PRMT2: variants seen among roughly 807,000 people sequenced by gnomAD.
PRMT2 encodes protein arginine N-methyltransferase 2.
PRMT2 carries 26 observed loss-of-function variants against 57.6 expected under a neutral mutation model. The observed-to-expected ratio is 0.45, with a 90% CI of 0.33 to 0.63. The LOEUF (loss-of-function observed/expected upper bound fraction) is 0.63, where lower values mean the gene tolerates loss of function less well. PRMT2 is among the 20% of genes least tolerant of loss of function. The pLI, the probability that PRMT2 is intolerant of heterozygous loss-of-function variation, is 0.02. For synonymous variants in PRMT2, 219 were observed against 220.0 expected (o/e 1.00, Z 0.04); for missense variants, 472 against 564.4 (o/e 0.84, Z 1.66).
chr21:46,654,778 G>A lies in PRMT2; in HGVS notation c.655-3967G>A, dbSNP rs550562117. On this transcript the variant is annotated intron_variant, in intron 7 of 11. Coordinates refer to ENST00000355680, the MANE Select transcript of PRMT2 (RefSeq NM_206962.4). Reference sequence around the variant, plus strand: ...TGTGTAGCCTGTATGTAAAAACCACGTTATTTTATATGGGGGACTTTAGCA... The same window carrying A: ...TGTGTAGCCTGTATGTAAAAACCACATTATTTTATATGGGGGACTTTAGCA... 51 of 449,126 alleles carry A rather than the reference G, an allele frequency of 1.1e-4. No individual in the cohort carries two copies. The South Asian group carries it at 3.4e-3, about 30-fold the overall frequency. The allele number at this position is 449,126 out of a possible 1,614,324, so 27.8% of individuals were successfully genotyped here. A position where few individuals can be genotyped will look rare whatever the true frequency, so the allele number is the denominator to read the frequency against.
At chr21:46,639,268 T>C (rs1432307891) in intron 3 of PRMT2, among the ~76,000 whole-genome samples, 1 of 152,220 alleles carries the variant, frequency 6.6e-6, no homozygotes, top group Admixed American at 6.5e-5. Flanking sequence ...TCTAATCATA[T>C]GGAATATGTT....
At position 46,648,624 on chromosome 21, in the gene PRMT2, G is replaced by C; in HGVS notation, c.489+5G>C. On this transcript the variant is annotated splice_donor_5th_base_variant and intron_variant, in intron 6 of 11. Transcript: ENST00000355680. The surrounding 1 kb of genome is among the most constrained non-coding windows in gnomAD (Gnocchi z 4.8). The stretch of plus-strand genomic sequence containing the variant: ...CACTATGCGCGGCCTAGAGCGGTGA[G>C]TGGGGTCTCGAGCGCATCCCGGGTG... 1 of 1,611,068 alleles carries C rather than the reference G, an allele frequency of 6.2e-7. No homozygotes were observed. The highest frequency in any genetic ancestry group is 2.2e-5 in the East Asian group (1 of 44,778).
chr21:46,651,698 C>T, intron 7 of PRMT2: 6 of 1,279,588 alleles, frequency 4.7e-6, no homozygotes, highest in Admixed American at 2.0e-5. Flanking sequence ...GCAAGAGTTC[C>T]TATGGCGATA....
At chr21:46,639,774 C>T (rs142967849) in intron 3 of PRMT2, among the ~76,000 whole-genome samples, 50 of 150,330 alleles carry the variant, frequency 3.3e-4, no homozygotes, top group African/African-American at 1.2e-3. Flanking sequence ...GCGTTTTTCT[C>T]GTAAAGAGCT....
chr21:46,650,025 C>A, intron 7 of PRMT2: 2 of 1,342,226 alleles, frequency 1.5e-6, no homozygotes, highest in Non-Finnish European at 2.0e-6. Context: ...AAATCCTGTG[C>A]CTAACAGGTA....
At chr21:46,659,756 CG>C in intron 8 of PRMT2, 1 of 985,390 alleles carries the variant, frequency 1.0e-6, no homozygotes, top group Non-Finnish European at 1.2e-6. Context: ...GTGTTCCTCC[CG>C]GCACTGGAAG....
chr21:46,660,714 A>G (rs901518472), intron 8 of PRMT2, 119 bp from the exon 9 acceptor site: 11 of 1,313,252 alleles, frequency 8.4e-6, no homozygotes, highest in Non-Finnish European at 1.2e-5. Flanking sequence ...GGCCCCAGAT[A>G]GTGGCTTAGC....
chr21:46,645,284 A>G (rs73154714), intron 5 of PRMT2, among the ~76,000 whole-genome samples: 1,786 of 108,172 alleles, frequency 0.017, 12 homozygotes, highest in Non-Finnish European at 0.025. Context: ...AAAAAAATAG[A>G]AAAAATTCTA....
Position 46,649,487 on chromosome 21 carries a change from T to G in PRMT2, c.490-88T>G. ...GCTTCCCTCTTGTGTCATTGACCAT[T>G]TCTCGTGATGCTGGTTGTGACTCAG... On this transcript the variant is annotated intron_variant, in intron 6 of 11. Transcript: ENST00000355680. The surrounding 1 kb of genome is among the most constrained non-coding windows in gnomAD (Gnocchi z 4.8). 1 of 1,593,562 alleles carries G rather than the reference T, an allele frequency of 6.3e-7. No homozygotes were observed. The highest frequency in any genetic ancestry group is 1.1e-5 in the South Asian group (1 of 90,412).
Position 46,663,547 on chromosome 21 carries a change from C to A in PRMT2, c.1262C>A (p.Ser421Tyr), listed in dbSNP as rs755459292. Reference sequence around the variant, plus strand: ...GTCACTTCCAGACAAGACCCCACATCTCAAAAAGTAAGATACGTAGTTGTA... The same window carrying A: ...GTCACTTCCAGACAAGACCCCACATATCAAAAAGTAAGATACGTAGTTGTA... ...WAVTSRQDPT[S>Y]QKVGEKVFPI... The change falls in exon 11 of 12, where the codon TCT becomes TAT. Residue 421 changes from serine (S) to tyrosine (Y), a missense_variant. Ser to Tyr is a moderately radical substitution (Grantham distance 144, BLOSUM62 -2). Coordinates refer to ENST00000355680, the MANE Select transcript of PRMT2 (RefSeq NM_206962.4). 4 of 1,613,536 alleles carry A rather than the reference C, an allele frequency of 2.5e-6. No individual in the cohort carries two copies. In the Admixed American group the frequency reaches 6.7e-5, roughly 27 times the overall value.
Position 46,648,774 on chromosome 21 carries a change from C to A in PRMT2, c.489+155C>A, listed in dbSNP as rs972989924. Among the ~76,000 whole-genome samples, 1 of 152,122 alleles carries A rather than the reference C, an allele frequency of 6.6e-6. No homozygotes were observed. The highest frequency in any genetic ancestry group is 1.5e-5 in the Non-Finnish European group (1 of 68,020). ...GCACCCTGCACGTGGGGCTCAGGGT[C>A]GGTAAAATAGCAGTGCGTGGAGACC... On this transcript the variant is annotated intron_variant, in intron 6 of 11. Coordinates refer to ENST00000355680, the MANE Select transcript of PRMT2 (RefSeq NM_206962.4). The surrounding 1 kb of genome is among the most constrained non-coding windows in gnomAD (Gnocchi z 4.8).
In PRMT2 at chr21:46,648,560, G is replaced by C. The variant is rs1184918997; in HGVS notation, c.430G>C (p.Val144Leu). Residue 144 changes from valine to leucine, a missense_variant, in exon 6 of 12, where the codon GTG becomes CTG. Physicochemically the swap from Val to Leu is conservative, Grantham distance 32. Around this residue, in one of 2 missense-constraint regions of PRMT2, gnomAD observed 243 missense variants for 347.2 expected, o/e 0.70. Transcript: ENST00000355680. The surrounding 1 kb of genome is among the most constrained non-coding windows in gnomAD (Gnocchi z 4.8). The part of the protein sequence containing the change: ...ESLTDKVILD[V>L]GCGTGIISLF... ...CCTGACGGATAAAGTCATCCTGGAC[G>C]TGGGCTGTGGGACTGGGATCATCAG... 6.2e-7 allele frequency: 1 copy of C among 1,614,134 alleles called. No individual in the cohort carries two copies. The highest frequency in any genetic ancestry group is 8.5e-7 in the Non-Finnish European group (1 of 1,180,058).
intron 7 of PRMT2, chr21:46,652,676 C>T (rs2061478114): frequency 2.0e-6 from 2 of 985,156 alleles, no homozygotes; most frequent in African/African-American, 3.5e-5. Context: ...GAAAATAGGG[C>T]AGAATAAGTC....
intron 3 of PRMT2, among the ~76,000 whole-genome samples, chr21:46,640,245 T>C (rs549021173): frequency 6.6e-6 from 1 of 152,266 alleles, no homozygotes; most frequent in East Asian, 1.9e-4. Flanking sequence ...CGCTATCGAG[T>C]CTTTTTTTAT....
chr21:46,662,816 T>TC (rs2082718678), intron 10 of PRMT2, among the ~76,000 whole-genome samples: 1 of 151,954 alleles, frequency 6.6e-6, no homozygotes, highest in Non-Finnish European at 1.5e-5. Context: ...TTTTACTATT[T>TC]CCCCCCAAAT....
At chr21:46,655,261 C>T (rs1601945906) in intron 7 of PRMT2, among the ~76,000 whole-genome samples, 1 of 152,000 alleles carries the variant, frequency 6.6e-6, no homozygotes, top group South Asian at 2.1e-4. Flanking sequence ...AAATATGAAA[C>T]CTACAGACCA....
chr21:46,662,494 G>A (rs1453157054), intron 10 of PRMT2, among the ~76,000 whole-genome samples: 2 of 152,224 alleles, frequency 1.3e-5, no homozygotes, highest in African/African-American at 4.8e-5. Flanking sequence ...GAGGTGCGGG[G>A]TTGATGGCCT....
intron 3 of PRMT2, 120 bp from the exon 4 acceptor site, chr21:46,643,415 A>G: frequency 7.5e-7 from 1 of 1,332,462 alleles, no homozygotes; most frequent in Non-Finnish European, 9.7e-7. Context: ...TAGTTTGTAT[A>G]ATAAATACTT....
rs755628784 is a variant in PRMT2, at chr21:46,648,568, T to C, written c.438T>C (p.Cys146=). 3 of 1,614,256 alleles carry C rather than the reference T, an allele frequency of 1.9e-6. No individual in the cohort carries two copies. In the South Asian group the frequency reaches 3.3e-5, roughly 18 times the overall value. The change falls in exon 6 of 12, where the codon TGT becomes TGC. Residue 146 remains cysteine (C), a synonymous_variant. Transcript: ENST00000355680. This position sits in a 1 kb window ranked among gnomAD's most constrained non-coding sequence, Gnocchi z 4.8. ...LTDKVILDVG[C]GTGIISLFCA... ...ATAAAGTCATCCTGGACGTGGGCTG[T>C]GGGACTGGGATCATCAGTCTCTTCT...
Sources: gnomAD v4.1 joint callset for allele counts (sites outside exome capture counted in the v4.1 genomes callset) on GRCh38, gnomAD v4.1.1 for gene constraint, gnomAD v4.1.1 regional missense constraint, Gnocchi (gnomAD v3.1) non-coding constraint, MANE v1.5 for transcripts, NCBI Gene and HGNC (gene_info 2026-07-23, HGNC 2026-07-21) for gene names.